ADAMTSL1: variants seen among roughly 807,000 people sequenced by gnomAD.
The protein encoded by ADAMTSL1 is ADAMTS like 1.
A neutral mutation model predicts 201.8 loss-of-function variants in ADAMTSL1; 126 were observed. The ratio of observed to expected loss-of-function variants is 0.62; its 90% CI spans 0.54 to 0.72. The LOEUF (loss-of-function observed/expected upper bound fraction) is 0.72, where lower values mean the gene tolerates loss of function less well. Ranked by LOEUF, ADAMTSL1 falls within the 30% of genes least tolerant of loss-of-function variation. The probability of loss-of-function intolerance (pLI) is 0.00; values close to 1 mark genes in which losing one functional copy is unlikely to be tolerated. For synonymous variants in ADAMTSL1, 1,121 were observed against 903.4 expected, an observed-to-expected ratio of 1.24 and a Z score of -4.32; for missense variants, 2,679 against 2,277.8, an observed-to-expected ratio of 1.18 and a Z score of -3.59.
chr9:17,992,854 T>G (rs1461019554), intron 1 of ADAMTSL1, among the ~76,000 whole-genome samples: 1 of 152,192 alleles, frequency 6.6e-6, no homozygotes, highest in Non-Finnish European at 1.5e-5. Flanking sequence ...GTTTCTGTAA[T>G]CCCCTAACTT....
chr9:18,851,018 C>T (rs1478359762), intron 23 of ADAMTSL1, among the ~76,000 whole-genome samples: 2 of 152,142 alleles, frequency 1.3e-5, no homozygotes, highest in African/African-American at 4.8e-5. Flanking sequence ...CTGTTCTCTT[C>T]CTTGTTGAAA....
chr9:17,907,882 T>G (rs1825785672), intron 1 of ADAMTSL1, among the ~76,000 whole-genome samples: 2 of 152,188 alleles, frequency 1.3e-5, no homozygotes, highest in Non-Finnish European at 2.9e-5. Flanking sequence ...TTCACAGGAT[T>G]ACTTGGGTAA....
In ADAMTSL1 at chr9:18,419,212, A is replaced by T. The variant is rs151182168; in HGVS notation, c.208-85617A>T. Among the ~76,000 whole-genome samples, 3 of 152,358 alleles carry T rather than the reference A, an allele frequency of 2.0e-5. No homozygotes were observed. In the East Asian group the frequency reaches 5.8e-4, roughly 29 times the overall value. ...AAAATTAACTCAAAATGGATCATTT[A>T]TCTAAGTTCAAAGTGTAAAACTATA... On this transcript the variant is annotated intron_variant, in intron 2 of 29. Coordinates refer to the ADAMTSL1 transcript ENST00000680146.
intron 2 of ADAMTSL1, among the ~76,000 whole-genome samples, chr9:18,443,415 G>A (rs1418323928): frequency 6.6e-6 from 1 of 152,170 alleles, no homozygotes; most frequent in Non-Finnish European, 1.5e-5. Context: ...AGAATTATCT[G>A]CAGGAGAAAA....
chr9:18,838,393 AC>A (rs1588201970), intron 23 of ADAMTSL1, among the ~76,000 whole-genome samples: 12 of 150,776 alleles, frequency 8.0e-5, no homozygotes, highest in East Asian at 2.0e-4. Context: ...ACACACACAC[AC>A]ACACACACGC....
chr9:18,399,477 G>T (rs1219423508), intron 2 of ADAMTSL1, among the ~76,000 whole-genome samples: 3 of 150,052 alleles, frequency 2.0e-5, no homozygotes, highest in Non-Finnish European at 3.0e-5. Context: ...AAGTAGCTGG[G>T]ATTACAGACG....
At position 18,322,293 on chromosome 9, in the gene ADAMTSL1, A is replaced by G. The variant is rs541854246; in HGVS notation, c.207+158312A>G. ...AAACCAATTATATAGAAAAAAATTA[A>G]GTTAAAGTCCAAACTACAATTTTTA... On this transcript the variant is annotated intron_variant, in intron 2 of 29. Transcript: ENST00000680146. 2.0e-5 allele frequency among the ~76,000 whole-genome samples: 3 copies of G among 152,324 alleles called. No homozygotes were observed. In the South Asian group the frequency reaches 6.2e-4, roughly 32 times the overall value.
intron 2 of ADAMTSL1, among the ~76,000 whole-genome samples, chr9:18,450,270 T>G (rs2131667894): frequency 6.6e-6 from 1 of 152,288 alleles, no homozygotes; most frequent in Admixed American, 6.5e-5. Context: ...TCTTGATTGC[T>G]GTGGTCGTTA....
intron 1 of ADAMTSL1, among the ~76,000 whole-genome samples, chr9:17,987,582 A>G (rs541842964): frequency 6.6e-6 from 1 of 152,160 alleles, no homozygotes; most frequent in African/African-American, 2.4e-5. Flanking sequence ...TCTTTTTAAA[A>G]GGGCTGGGCA....
At chr9:18,650,407 A>G (rs763051656) in intron 7 of ADAMTSL1, among the ~76,000 whole-genome samples, 66 of 151,632 alleles carry the variant, frequency 4.4e-4, no homozygotes, top group Non-Finnish European at 7.9e-4. Context: ...ACTGACCTGC[A>G]CCCACTGTCT....
chr9:18,117,921 A>G (rs1293430059), intron 1 of ADAMTSL1, among the ~76,000 whole-genome samples: 2 of 152,148 alleles, frequency 1.3e-5, no homozygotes, highest in Non-Finnish European at 2.9e-5. Flanking sequence ...TACTAACTCT[A>G]TCTTTTGCTT....
At chr9:18,539,915 G>A (rs1026048930) in intron 3 of ADAMTSL1, among the ~76,000 whole-genome samples, 14 of 152,246 alleles carry the variant, frequency 9.2e-5, no homozygotes, top group African/African-American at 3.4e-4. Flanking sequence ...GGCCGGCCTA[G>A]AAGTACCACA....
intron 2 of ADAMTSL1, among the ~76,000 whole-genome samples, chr9:18,219,215 TC>T (rs1830162567): frequency 6.6e-6 from 1 of 151,926 alleles, no homozygotes; most frequent in South Asian, 2.1e-4. Flanking sequence ...AGTTTGCTTT[TC>T]AAATTCTAGA....
chr9:17,955,797 G>A (rs905372103), intron 1 of ADAMTSL1, among the ~76,000 whole-genome samples: 24 of 152,034 alleles, frequency 1.6e-4, no homozygotes, highest in African/African-American at 5.3e-4. Flanking sequence ...TTTTATCATA[G>A]TATGTACGTT....
rs556213968 is a variant in ADAMTSL1, at chr9:18,908,821, G to A, written c.*273G>A. The A allele has an allele frequency of 9.2e-6, 3 of 327,488 alleles. No homozygotes were observed. The South Asian group carries it at 1.3e-4, about 14-fold the overall frequency. The allele number at this position is 327,488 out of a possible 1,614,324, so 20.3% of individuals were successfully genotyped here. ...CCAGGCAGACAGTGGGGGCTCCCTT[G>A]AAGAGCTTCCTCCCTCCCAAACCTG... On this transcript the variant is annotated 3_prime_UTR_variant, in exon 29 of 29. Transcript: ENST00000380548.
intron 7 of ADAMTSL1, among the ~76,000 whole-genome samples, chr9:18,654,163 A>T (rs746950921): frequency 6.6e-6 from 1 of 152,234 alleles, no homozygotes; most frequent in Non-Finnish European, 1.5e-5. Flanking sequence ...CAGGAGACAG[A>T]GGTTGCAGTG....
At chr9:18,808,438 G>C (rs982744368) in intron 20 of ADAMTSL1, among the ~76,000 whole-genome samples, 1 of 152,148 alleles carries the variant, frequency 6.6e-6, no homozygotes, top group Non-Finnish European at 1.5e-5. Context: ...GAAGTAGCCT[G>C]TGCTAACAAC....
At chr9:18,343,833 C>G (rs1835578571) in intron 2 of ADAMTSL1, among the ~76,000 whole-genome samples, 1 of 152,040 alleles carries the variant, frequency 6.6e-6, no homozygotes, top group Non-Finnish European at 1.5e-5. Flanking sequence ...ATCCTTGATT[C>G]TACAGCAGGT....
intron 1 of ADAMTSL1, among the ~76,000 whole-genome samples, chr9:18,112,344 T>G (rs911650099): frequency 4.6e-5 from 7 of 152,216 alleles, no homozygotes; most frequent in Non-Finnish European, 1.0e-4. Context: ...ACTCCATTAA[T>G]AGGTATAGTG....
Sources: gnomAD v4.1 joint callset for allele counts (sites outside exome capture counted in the v4.1 genomes callset) on GRCh38, gnomAD v4.1.1 for gene constraint, MANE v1.5 for transcripts, NCBI Gene and HGNC (gene_info 2026-07-23, HGNC 2026-07-21) for gene names.